The following RBFOX1 variants were observed in gnomAD, a reference collection of about 807,000 sequenced individuals.
RBFOX1 encodes RNA binding fox-1 homolog 1.
RBFOX1 carries 8 observed loss-of-function variants against 57.7 expected under a neutral mutation model. That is an observed-to-expected ratio of 0.14 (90% CI 0.08 to 0.25). The LOEUF (loss-of-function observed/expected upper bound fraction) is 0.25, where lower values mean the gene tolerates loss of function less well. Among genes scored for constraint, RBFOX1 ranks in the 10% least tolerant of loss-of-function variants. RBFOX1 has a pLI of 1.00. For synonymous variants in RBFOX1, 326 were observed against 222.4 expected (o/e 1.47, Z -4.15); for missense variants, 611 against 548.5 (o/e 1.11, Z -1.14).
intron 4 of RBFOX1, among the ~76,000 whole-genome samples, chr16:7,237,836 A>G (rs1213753901): frequency 6.6e-6 from 1 of 152,180 alleles, no homozygotes; most frequent in Non-Finnish European, 1.5e-5. Context: ...TGAAAACTCA[A>G]CTACTCAAAA....
At position 6,192,632 on chromosome 16, in the gene RBFOX1, C is replaced by T. The variant is rs138309461; in HGVS notation, c.-126-124363C>T. ...ACTTCAGAGATACGGTGGTGGAGAT[C>T]CAAGTTTATATCTTGAGTCTACCAT... On this transcript the variant is annotated intron_variant, in intron 1 of 15. Transcript: ENST00000550418. Among the ~76,000 whole-genome samples the T allele has an allele frequency of 2.7e-3, 404 of 152,232 alleles. 2 individuals carry two copies. The highest frequency in any genetic ancestry group is 4.6e-3 in the Non-Finnish European group (312 of 68,016).
At chr16:5,973,693 T>G (rs1347716684) in intron 4 of RBFOX1, among the ~76,000 whole-genome samples, 1 of 152,246 alleles carries the variant, frequency 6.6e-6, no homozygotes, top group Non-Finnish European at 1.5e-5. Context: ...ATCAGTAGAC[T>G]GAGTTTCTTT....
At chr16:6,093,131 A>G (rs143311228) in intron 1 of RBFOX1, among the ~76,000 whole-genome samples, 2,382 of 152,308 alleles carry the variant, frequency 0.016, 28 homozygotes, top group Non-Finnish European at 0.026. Context: ...GCTATCCCCA[A>G]AAAGATGCAA....
chr16:5,525,834 C>G (rs2044223823), intron 2 of RBFOX1, among the ~76,000 whole-genome samples: 1 of 152,092 alleles, frequency 6.6e-6, no homozygotes, highest in Non-Finnish European at 1.5e-5. Flanking sequence ...TTCCCTCTAA[C>G]AAAGCTCCCT....
intron 3 of RBFOX1, among the ~76,000 whole-genome samples, chr16:6,971,732 C>T (rs796083169): frequency 2.6e-5 from 4 of 151,864 alleles, no homozygotes; most frequent in Admixed American, 1.3e-4. Context: ...GGAGTGTGGA[C>T]GGATTGGGGA....
chr16:5,823,068 G>A (rs999206491), intron 3 of RBFOX1, among the ~76,000 whole-genome samples: 2 of 152,166 alleles, frequency 1.3e-5, no homozygotes, highest in Non-Finnish European at 1.5e-5. Flanking sequence ...GGGAGCCACT[G>A]CTGTACCCCA....
At chr16:5,367,573 G>C (rs148423279) in intron 1 of RBFOX1, among the ~76,000 whole-genome samples, 21 of 152,304 alleles carry the variant, frequency 1.4e-4, no homozygotes, top group Admixed American at 1.2e-3. Context: ...TTCCCCAGTG[G>C]ATACTATTAC....
intron 3 of RBFOX1, among the ~76,000 whole-genome samples, chr16:6,984,900 C>T (rs1191510238): frequency 6.6e-6 from 1 of 152,260 alleles, no homozygotes; most frequent in South Asian, 2.1e-4. Flanking sequence ...CTCAGCCTCC[C>T]AAAGTGCTAG....
chr16:6,306,584 A>G, intron 1 of RBFOX1, among the ~76,000 whole-genome samples: 1 of 152,212 alleles, frequency 6.6e-6, no homozygotes, highest in East Asian at 1.9e-4. Flanking sequence ...AACTCAGTTC[A>G]TGTGAACTCA....
intron 2 of RBFOX1, among the ~76,000 whole-genome samples, chr16:5,537,283 C>T (rs1452531412): frequency 6.6e-6 from 1 of 152,154 alleles, no homozygotes; most frequent in African/African-American, 2.4e-5. Flanking sequence ...TCCCCATTGC[C>T]CAATTCCAAA....
intron 2 of RBFOX1, among the ~76,000 whole-genome samples, chr16:6,481,609 G>A (rs562661712): frequency 6.1e-4 from 93 of 152,304 alleles, no homozygotes; most frequent in Middle Eastern, 6.8e-3. Flanking sequence ...TAATTGTACA[G>A]GGTTCTGGAT....
chr16:5,533,563 A>G (rs2044572682), intron 2 of RBFOX1, among the ~76,000 whole-genome samples: 2 of 152,216 alleles, frequency 1.3e-5, no homozygotes, highest in South Asian at 4.1e-4. Context: ...AACTTCAAAC[A>G]GAGGCTTGGC....
At chr16:7,670,856 T>C (rs1192146500) in intron 13 of RBFOX1, among the ~76,000 whole-genome samples, 3 of 152,316 alleles carry the variant, frequency 2.0e-5, no homozygotes, top group African/African-American at 4.8e-5. Flanking sequence ...ATGACTCTTA[T>C]GTCAAAAAAC....
chr16:6,971,273 G>A (rs551158630), intron 3 of RBFOX1, among the ~76,000 whole-genome samples: 1 of 152,138 alleles, frequency 6.6e-6, no homozygotes, highest in African/African-American at 2.4e-5. Context: ...AACACCTTGG[G>A]GATTCATATG....
At chr16:6,745,442 A>G (rs892882033) in intron 3 of RBFOX1, among the ~76,000 whole-genome samples, 2 of 152,216 alleles carry the variant, frequency 1.3e-5, no homozygotes, top group South Asian at 2.1e-4. Flanking sequence ...CATGAAAAGG[A>G]TACTATATCA....
intron 1 of RBFOX1, among the ~76,000 whole-genome samples, chr16:6,196,555 C>G (rs945206939): frequency 6.6e-6 from 1 of 152,114 alleles, no homozygotes; most frequent in East Asian, 1.9e-4. Flanking sequence ...CTTAAAAAGC[C>G]AAATCCACCC....
intron 4 of RBFOX1, among the ~76,000 whole-genome samples, chr16:7,455,197 G>C (rs529958767): frequency 6.6e-6 from 1 of 152,260 alleles, no homozygotes; most frequent in African/African-American, 2.4e-5. Flanking sequence ...GAATCCTTTA[G>C]CCTACCAAAT....
intron 3 of RBFOX1, among the ~76,000 whole-genome samples, chr16:6,835,133 C>A (rs2092995651): frequency 6.6e-6 from 1 of 151,966 alleles, no homozygotes; most frequent in East Asian, 1.9e-4. Context: ...AATCTCCTGA[C>A]CCTGTGATCT....
At chr16:6,825,587 T>A (rs1178909439) in intron 3 of RBFOX1, among the ~76,000 whole-genome samples, 1 of 152,092 alleles carries the variant, frequency 6.6e-6, no homozygotes, top group African/African-American at 2.4e-5. Context: ...TGAGTTCCAT[T>A]TTCTCTTCCT....
Sources: allele counts gnomAD v4.1 joint callset (sites outside exome capture counted in the v4.1 genomes callset), GRCh38; gene constraint gnomAD v4.1.1; transcripts MANE v1.5; gene names NCBI Gene and HGNC (gene_info 2026-07-23, HGNC 2026-07-21).